Variants in CABP2 observed in about 807,000 individuals in gnomAD.
The protein encoded by CABP2 is calcium binding protein 2.
In CABP2, 25 loss-of-function variants were observed where a neutral mutation model predicts 28.6. The observed-to-expected ratio is 0.87, with a 90% CI of 0.64 to 1.22. CABP2 has a LOEUF of 1.22. Among genes scored for constraint, CABP2 ranks in the 50% most tolerant of loss-of-function variants. CABP2 has a pLI of 0.00. For missense variants in CABP2, 310 were observed against 312.2 expected (o/e 0.99, Z 0.05); for synonymous variants, 138 against 126.0 (o/e 1.09, Z -0.64).
chr11:67,522,799 C>T (rs1352765879), intron 1 of CABP2, 83 bp from the exon 2 acceptor site: 28 of 1,301,876 alleles, frequency 2.2e-5, no homozygotes, highest in Admixed American at 1.7e-4. Flanking sequence ...TCACCAGCTG[C>T]TCCTGTCTTT....
intron 2 of CABP2, 154 bp downstream of exon 2, chr11:67,522,392 T>C: frequency 1.3e-6 from 1 of 761,366 alleles, no homozygotes; most frequent in Non-Finnish European, 2.2e-6. Flanking sequence ...GTACCTTTGC[T>C]CTGATGTCCC....
At position 67,520,148 on chromosome 11, in the gene CABP2, A is replaced by G. The variant is rs1252322891; in HGVS notation, c.392T>C (p.Val131Ala). 1.9e-6 allele frequency: 3 copies of G among 1,612,726 alleles called. No homozygotes were observed. In the Admixed American group the frequency reaches 5.0e-5, roughly 27 times the overall value. Residue 131 changes from valine (V) to alanine (A), a missense_variant, in exon 5 of 7, where the codon GTG becomes GCG. Physicochemically the swap from Val to Ala is moderately conservative, Grantham distance 64. Transcript: ENST00000294288. ...CAGCTCCACGAAGTCTTCAAAGTCC[A>G]CCTTTCCGCCACCTGGGGGTCCCGT... ...EISQQISGGK[V>A]DFEDFVELMG...
At chr11:67,522,782 A>C (rs1591080004) in intron 1 of CABP2, 66 bp from the exon 2 acceptor site, 1 of 1,352,696 alleles carries the variant, frequency 7.4e-7, no homozygotes, top group South Asian at 1.5e-5. Flanking sequence ...AGCCCTCCCC[A>C]CTCCTCTCAC....
chr11:67,519,262 G>A (rs1375823037), intron 6 of CABP2, 98 bp from the exon 7 acceptor site: 1 of 1,221,000 alleles, frequency 8.2e-7, no homozygotes, highest in East Asian at 2.3e-5. Flanking sequence ...TGTGGTTGAG[G>A]GGAGGGTCTT....
At chr11:67,521,209 G>A (rs1327251471) in intron 3 of CABP2, 50 bp from the exon 4 acceptor site, 1 of 1,568,772 alleles carries the variant, frequency 6.4e-7, no homozygotes, top group Admixed American at 1.8e-5. Flanking sequence ...CCTGATCCTG[G>A]CCTGGACCCG....
chr11:67,520,302 C>T, intron 4 of CABP2, 142 bp from the exon 5 acceptor site: 1 of 616,894 alleles, frequency 1.6e-6, no homozygotes, highest in South Asian at 2.0e-5. Context: ...CTGTATTTCC[C>T]AATGGGAATC....
At chr11:67,522,868 G>T (rs550543054) in intron 1 of CABP2, 152 bp from the exon 2 acceptor site, 9 of 681,500 alleles carry the variant, frequency 1.3e-5, no homozygotes, top group Non-Finnish European at 2.2e-5. Context: ...ACCCTCACCC[G>T]TGAACTCTTT....
chr11:67,520,752 C>T (rs1866735259), intron 4 of CABP2, among the ~76,000 whole-genome samples: 1 of 152,242 alleles, frequency 6.6e-6, no homozygotes, highest in South Asian at 2.1e-4. Context: ...GGGTTCAAGT[C>T]CTGGCTCCAA....
At chr11:67,520,997 G>C (rs1565204818) in intron 4 of CABP2, 28 bp downstream of exon 4, 1 of 1,605,204 alleles carries the variant, frequency 6.2e-7, no homozygotes, top group African/African-American at 1.3e-5. Flanking sequence ...TGGAGGACTG[G>C]GGATGGGGAT....
intron 2 of CABP2, 92 bp downstream of exon 2, chr11:67,522,454 G>T: frequency 7.5e-7 from 1 of 1,342,118 alleles, no homozygotes; most frequent in Non-Finnish European, 1.0e-6. Flanking sequence ...AGGGGCAAGG[G>T]TAGGTGGGCT....
chr11:67,522,095 G>T, intron 2 of CABP2, 113 bp from the exon 3 acceptor site: 1 of 927,134 alleles, frequency 1.1e-6, no homozygotes, highest in Non-Finnish European at 1.7e-6. Flanking sequence ...CACACGCAGG[G>T]CCTGTGTCTG....
At chr11:67,521,871 C>T in intron 3 of CABP2, 81 bp downstream of exon 3, 2 of 399,430 alleles carry the variant, frequency 5.0e-6, no homozygotes, top group Non-Finnish European at 4.9e-6. Context: ...CCACCCGATG[C>T]CCCCCCAACC....
In CABP2 at chr11:67,519,097, G is replaced by A; in HGVS notation, c.*42C>T. ...GAACATGCTGGTGGGCAGAGGCTGT[G>A]GTCCTTGAGTCCTTTATGCTGCCTC... On this transcript the variant is annotated 3_prime_UTR_variant, in exon 7 of 7. Coordinates refer to ENST00000294288, the MANE Select transcript of CABP2 (RefSeq NM_016366.3). 2 of 1,609,486 alleles carry A rather than the reference G, an allele frequency of 1.2e-6. No individual in the cohort carries two copies. The highest frequency in any genetic ancestry group is 1.7e-6 in the Non-Finnish European group (2 of 1,175,832).
At chr11:67,520,262 T>C in intron 4 of CABP2, 102 bp from the exon 5 acceptor site, 1 of 709,872 alleles carries the variant, frequency 1.4e-6, no homozygotes, top group Non-Finnish European at 2.5e-6. Context: ...ATGGATCCTT[T>C]CCTCCCTCTG....
intron 4 of CABP2, 45 bp from the exon 5 acceptor site, chr11:67,520,205 G>T: frequency 7.7e-7 from 1 of 1,298,294 alleles, no homozygotes; most frequent in Non-Finnish European, 1.1e-6. Context: ...AGAGACCCCT[G>T]CCCCTCCCTG....
intron 6 of CABP2, among the ~76,000 whole-genome samples, 157 bp downstream of exon 6, chr11:67,519,636 C>T (rs1482499951): frequency 6.6e-6 from 1 of 152,206 alleles, no homozygotes; most frequent in Non-Finnish European, 1.5e-5. Context: ...ATGGGGATAA[C>T]AATTCCTTCC....
At chr11:67,521,269 C>T in intron 3 of CABP2, 110 bp from the exon 4 acceptor site, 1 of 1,168,682 alleles carries the variant, frequency 8.6e-7, no homozygotes, top group Non-Finnish European at 1.2e-6. Flanking sequence ...ACATCAGATT[C>T]TCTTTGCTGC....
rs371705136 is a variant in CABP2 at position 67,519,243 on chromosome 11, G to A, written c.638-79C>T. The A allele has an allele frequency of 1.1e-4, 170 of 1,479,154 alleles. No individual in the cohort carries two copies. In the African/African-American group the frequency reaches 1.7e-3, roughly 15 times the overall value. 91.6% of individuals were successfully genotyped at this position (1,479,154 alleles called of 1,614,324 possible). On this transcript the variant is annotated intron_variant, in intron 6 of 6. Transcript: ENST00000294288. ...GAGGATCATCTGCAGGCCTTGGGGC[G>A]GGTGGGAGTGTGGTTGAGGGGAGGG...
intron 6 of CABP2, among the ~76,000 whole-genome samples, chr11:67,519,405 T>A (rs1376914944): frequency 6.6e-6 from 1 of 152,248 alleles, no homozygotes; most frequent in Non-Finnish European, 1.5e-5. Flanking sequence ...GCTAGGAAGC[T>A]CAGGAGCAAC....
Sources: gnomAD v4.1 joint callset for allele counts (sites outside exome capture counted in the v4.1 genomes callset) on GRCh38, gnomAD v4.1.1 for gene constraint, MANE v1.5 for transcripts, NCBI Gene and HGNC (gene_info 2026-07-23, HGNC 2026-07-21) for gene names.